The following ZNF385B variants were observed in gnomAD, a reference collection of about 807,000 sequenced individuals.
ZNF385B encodes zinc finger protein 385B.
ZNF385B carries 23 observed loss-of-function variants against 39.2 expected under a neutral mutation model. The ratio of observed to expected loss-of-function variants is 0.59; its 90% CI spans 0.42 to 0.83. The LOEUF is 0.83. Among genes scored for constraint, ZNF385B ranks in the 40% least tolerant of loss-of-function variants. ZNF385B has a pLI of 0.00. For missense variants in ZNF385B, 552 were observed against 598.9 expected, an observed-to-expected ratio of 0.92 and a Z score of 0.82; for synonymous variants, 205 against 222.6, an observed-to-expected ratio of 0.92 and a Z score of 0.70.
At chr2:179,514,353 C>T (rs2057924906) in intron 5 of ZNF385B, 1 of 152,198 alleles carries the variant, frequency 6.6e-6, no homozygotes, top group Non-Finnish European at 1.5e-5. Flanking sequence ...TACCTTGGGA[C>T]CATGGGATGA....
intron 1 of ZNF385B, among the ~76,000 whole-genome samples, chr2:179,842,776 G>GTTT (rs1488400033): frequency 6.6e-6 from 1 of 152,174 alleles, no homozygotes; most frequent in African/African-American, 2.4e-5. Context: ...TAGCCTCATA[G>GTTT]TTTTGCACAT....
chr2:179,779,585 A>G (rs918202604), intron 1 of ZNF385B, among the ~76,000 whole-genome samples: 4 of 152,240 alleles, frequency 2.6e-5, no homozygotes, highest in African/African-American at 9.6e-5. Flanking sequence ...GTTCAGGACT[A>G]TTACAATTTT....
At chr2:179,563,224 T>A (rs945933020) in intron 3 of ZNF385B, among the ~76,000 whole-genome samples, 15 of 152,206 alleles carry the variant, frequency 9.9e-5, no homozygotes, top group African/African-American at 3.6e-4. Context: ...CTAATTAATT[T>A]AACTTTGCAT....
At chr2:179,613,063 TCA>T (rs1689427819) in intron 3 of ZNF385B, among the ~76,000 whole-genome samples, 2 of 152,326 alleles carry the variant, frequency 1.3e-5, no homozygotes, top group South Asian at 4.1e-4. Context: ...CAATGTTCAC[TCA>T]AATCTTAAGA....
chr2:179,696,326 C>CTTTTTTTTTTTTTTATTTTTTT (rs1698749228), intron 3 of ZNF385B, among the ~76,000 whole-genome samples: 1 of 40,354 alleles, frequency 2.5e-5, no homozygotes, highest in Admixed American at 5.1e-4. Context: ...CAAACTGGGA[C>CTTTTTTTTTTTTTTATTTTTTT]TTTTTTTTTT....
At chr2:179,450,688 G>T (rs543972405) in intron 6 of ZNF385B, among the ~76,000 whole-genome samples, 3 of 152,188 alleles carry the variant, frequency 2.0e-5, no homozygotes, top group South Asian at 2.1e-4. Flanking sequence ...GGAAGTCAGT[G>T]TGGCGATTCC....
intron 3 of ZNF385B, among the ~76,000 whole-genome samples, chr2:179,634,991 A>AAAT (rs1219551878): frequency 7.9e-6 from 1 of 126,858 alleles, no homozygotes; most frequent in Non-Finnish European, 1.8e-5. Flanking sequence ...AAAAAAAAAA[A>AAAT]AATAGCCAGG....
chr2:179,634,979 A>C (rs1401378154), intron 3 of ZNF385B, among the ~76,000 whole-genome samples: 6 of 145,420 alleles, frequency 4.1e-5, no homozygotes, highest in African/African-American at 1.3e-4. Flanking sequence ...AATACAAAAA[A>C]AAAAAAAAAA....
chr2:179,529,160 T>C (rs913093638), intron 4 of ZNF385B, among the ~76,000 whole-genome samples: 4 of 152,194 alleles, frequency 2.6e-5, no homozygotes, highest in African/African-American at 9.7e-5. Flanking sequence ...AGGTTTTAAA[T>C]GCACACTGAA....
chr2:179,725,684 A>C (rs1371221348), intron 3 of ZNF385B, among the ~76,000 whole-genome samples: 1 of 151,440 alleles, frequency 6.6e-6, no homozygotes, highest in Non-Finnish European at 1.5e-5. Flanking sequence ...CTGAAAGCAC[A>C]GAAATTTAAC....
Position 179,652,892 on chromosome 2 carries a change from T to A in ZNF385B, c.299-107923A>T, listed in dbSNP as rs371758660. ...AGAAGATTAAGGATTTCTAGAAGAG[T>A]CTCTGAGTTCTTAAAGTCTTAGTTT... On this transcript the variant is annotated intron_variant, in intron 3 of 9. Transcript: ENST00000410066. Among the ~76,000 whole-genome samples, 7 of 146,812 alleles carry A rather than the reference T, an allele frequency of 4.8e-5. No individual in the cohort carries two copies. In the South Asian group the frequency reaches 1.1e-3, roughly 23 times the overall value.
intron 6 of ZNF385B, 131 bp downstream of exon 6, chr2:179,483,141 A>C (rs1371797074): frequency 3.0e-6 from 3 of 993,948 alleles, no homozygotes; most frequent in African/African-American, 3.3e-5. Context: ...CCTTCCCGTG[A>C]AGAAAACATA....
At chr2:179,803,455 A>C (rs1706158403) in intron 1 of ZNF385B, among the ~76,000 whole-genome samples, 1 of 152,202 alleles carries the variant, frequency 6.6e-6, no homozygotes, top group Non-Finnish European at 1.5e-5. Context: ...AAATCTAAAA[A>C]ACAGTCTTAA....
intron 3 of ZNF385B, among the ~76,000 whole-genome samples, chr2:179,767,112 GT>G (rs1703748104): frequency 6.6e-6 from 1 of 152,186 alleles, no homozygotes; most frequent in African/African-American, 2.4e-5. Context: ...GGCACATACA[GT>G]CAAGGAATGA....
At chr2:179,640,585 T>C (rs1415920331) in intron 3 of ZNF385B, among the ~76,000 whole-genome samples, 1 of 152,130 alleles carries the variant, frequency 6.6e-6, no homozygotes, top group East Asian at 1.9e-4. Flanking sequence ...TAGGATATGG[T>C]TTGAAATTGA....
In ZNF385B at chr2:179,680,359, T is replaced by A. The variant is rs149548949; in HGVS notation, c.298+89144A>T. ...GACTCAACTATGGTTATACATAACA[T>A]CTCTAAAAGGCTGATTTTTAAAATA... On this transcript the variant is annotated intron_variant, in intron 3 of 9. Transcript: ENST00000410066. Among the ~76,000 whole-genome samples, 994 of 152,286 alleles carry A rather than the reference T, an allele frequency of 6.5e-3. 17 individuals are homozygous for A. The highest frequency in any genetic ancestry group is 0.022 in the African/African-American group (905 of 41,572).
intron 6 of ZNF385B, among the ~76,000 whole-genome samples, chr2:179,481,967 T>C (rs1463909881): frequency 6.6e-6 from 1 of 152,220 alleles, no homozygotes; most frequent in Admixed American, 6.5e-5. Context: ...GTTTTGTTCT[T>C]TACAGAGGGA....
chr2:179,482,942 C>CT (rs1457006068), intron 6 of ZNF385B, among the ~76,000 whole-genome samples: 1 of 151,716 alleles, frequency 6.6e-6, no homozygotes, highest in African/African-American at 2.4e-5. Flanking sequence ...AAGTAATAAG[C>CT]TCAGTATTTT....
At chr2:179,673,068 T>G (rs750029196) in intron 3 of ZNF385B, among the ~76,000 whole-genome samples, 1 of 152,138 alleles carries the variant, frequency 6.6e-6, no homozygotes, top group Non-Finnish European at 1.5e-5. Context: ...TGGTTAGATA[T>G]TGAGGGGAGA....
Sources: gnomAD v4.1 joint callset for allele counts (sites outside exome capture counted in the v4.1 genomes callset) on GRCh38, gnomAD v4.1.1 for gene constraint, MANE v1.5 for transcripts, NCBI Gene and HGNC (gene_info 2026-07-23, HGNC 2026-07-21) for gene names.